MBTD1: variants seen among roughly 807,000 people sequenced by gnomAD.
MBTD1 encodes MBT domain-containing protein 1.
MBTD1 carries 24 observed loss-of-function variants against 87.8 expected under a neutral mutation model. The observed-to-expected ratio is 0.27, with a 90% CI of 0.20 to 0.38. MBTD1 has a LOEUF of 0.38. Among genes scored for constraint, MBTD1 ranks in the 10% least tolerant of loss-of-function variants. The pLI is 1.00. For synonymous variants in MBTD1, 237 were observed against 248.6 expected (o/e 0.95, Z 0.44); for missense variants, 436 against 760.2 (o/e 0.57, Z 5.02).
At chr17:51,260,741 C>T, upstream of MBTD1, 1 of 1,584,386 alleles carries the variant, frequency 6.3e-7, no homozygotes, top group South Asian at 1.1e-5. Flanking sequence ...ACCGCCGGCC[C>T]GGCCGAGCGC....
At chr17:51,257,767 TCTA>T (rs1449542680) in intron 2 of MBTD1, among the ~76,000 whole-genome samples, 2 of 152,182 alleles carry the variant, frequency 1.3e-5, no homozygotes, top group African/African-American at 4.8e-5. Flanking sequence ...TTATTACACC[TCTA>T]CTGATTCTTT....
intron 2 of MBTD1, among the ~76,000 whole-genome samples, chr17:51,236,526 T>C (rs2053847347): frequency 6.6e-6 from 1 of 152,204 alleles, no homozygotes; most frequent in Non-Finnish European, 1.5e-5. Flanking sequence ...ATTACAGGCA[T>C]GAGCTGCTGC....
rs71355731 is a variant in MBTD1, at chr17:51,177,945, TTAA to T, written c.*2628_*2630del. On this transcript the variant is annotated 3_prime_UTR_variant, in exon 17 of 17. Coordinates refer to ENST00000586178, the MANE Select transcript of MBTD1 (RefSeq NM_017643.3). ...GAGAGGGTATTCACATCACGCAAAATTAATAATAATAATAAAAACAAACAAACA... is the reference window on the plus strand; with the variant it reads ...GAGAGGGTATTCACATCACGCAAAATTAATAATAATAAAAACAAACAAACA... 0.086 allele frequency: 13,125 copies of T among 151,914 alleles called. 657 individuals carry two copies. Among genetic ancestry groups the T allele is most frequent in the Non-Finnish European group, 0.12 (7,870 of 67,950 alleles). The allele number at this position is 151,914 out of a possible 1,614,324, so 9.4% of individuals were successfully genotyped here. A position where few individuals can be genotyped will look rare whatever the true frequency, so the allele number is the denominator to read the frequency against.
chr17:51,236,005 C>A, intron 2 of MBTD1, among the ~76,000 whole-genome samples: 1 of 152,008 alleles, frequency 6.6e-6, no homozygotes, highest in South Asian at 2.1e-4. Context: ...ATCTATCTAT[C>A]GGTCTCTCTC....
upstream of MBTD1, chr17:51,260,802 G>A (rs1387830015): frequency 1.9e-6 from 3 of 1,583,510 alleles, no homozygotes; most frequent in Non-Finnish European, 2.6e-6. Context: ...AGACGGCTCC[G>A]GCAGCGGAAC....
chr17:51,210,870 T>G (rs1312149810), intron 6 of MBTD1, among the ~76,000 whole-genome samples: 1 of 152,074 alleles, frequency 6.6e-6, no homozygotes, highest in East Asian at 1.9e-4. Context: ...ATTGGCATGG[T>G]GTGGTGGCTC....
At chr17:51,235,956 G>A (rs904139120) in intron 2 of MBTD1, among the ~76,000 whole-genome samples, 20 of 152,114 alleles carry the variant, frequency 1.3e-4, no homozygotes, top group Non-Finnish European at 2.8e-4. Context: ...TAGACAAAAA[G>A]ATCAATGAAA....
chr17:51,230,884 A>G (rs181726617), intron 2 of MBTD1, among the ~76,000 whole-genome samples: 27 of 152,284 alleles, frequency 1.8e-4, no homozygotes, highest in African/African-American at 6.3e-4. Flanking sequence ...GCTAGATTTT[A>G]CGTTCTAATA....
At chr17:51,193,143 AT>A (rs1250240529) in intron 14 of MBTD1, 127 bp from the exon 15 acceptor site, 1 of 694,660 alleles carries the variant, frequency 1.4e-6, no homozygotes, top group Non-Finnish European at 2.4e-6. Flanking sequence ...TAAATTCCAA[AT>A]AATTCTTTAA....
At chr17:51,234,851 G>C (rs939035744) in intron 2 of MBTD1, among the ~76,000 whole-genome samples, 1 of 151,858 alleles carries the variant, frequency 6.6e-6, no homozygotes, top group African/African-American at 2.4e-5. Flanking sequence ...ATACCACCAC[G>C]CCTGGCTAAT....
chr17:51,210,727 G>C (rs1433236775), intron 6 of MBTD1, among the ~76,000 whole-genome samples: 1 of 151,706 alleles, frequency 6.6e-6, no homozygotes, highest in Non-Finnish European at 1.5e-5. Context: ...CTGCACTCCA[G>C]CCTGGGCAAC....
rs368156625 is a variant in MBTD1, at chr17:51,229,804, G to T, written c.-48-4595C>A. Among the ~76,000 whole-genome samples the T allele has an allele frequency of 1.5e-4, 23 of 152,006 alleles. 1 individual carries two copies. The highest frequency in any genetic ancestry group is 1.0e-3 in the Admixed American group (16 of 15,258). On this transcript the variant is annotated intron_variant, in intron 2 of 16. Coordinates refer to ENST00000586178, the MANE Select transcript of MBTD1 (RefSeq NM_017643.3). ...GCATCCCAAGTAGATGGGATTACAG[G>T]CGCCCACCACCACGCCCGGCTAATT... is the stretch of plus-strand genomic sequence containing the variant.
At chr17:51,213,606 T>C (rs930365257) in intron 6 of MBTD1, among the ~76,000 whole-genome samples, 4 of 152,078 alleles carry the variant, frequency 2.6e-5, no homozygotes, top group African/African-American at 9.7e-5. Flanking sequence ...CTGAAAATTA[T>C]AGTCCAGCTA....
chr17:51,246,210 T>C (rs997836527), intron 2 of MBTD1, among the ~76,000 whole-genome samples: 6 of 152,242 alleles, frequency 3.9e-5, no homozygotes, highest in African/African-American at 1.2e-4. Context: ...CGAAATTCAC[T>C]TGTTTCATAT....
chr17:51,194,941 A>C (rs2051013235), intron 13 of MBTD1, among the ~76,000 whole-genome samples: 1 of 152,140 alleles, frequency 6.6e-6, no homozygotes, highest in Non-Finnish European at 1.5e-5. Context: ...TTGAGCCTAC[A>C]TTACTGACTC....
At chr17:51,253,806 C>T (rs1289407805) in intron 2 of MBTD1, among the ~76,000 whole-genome samples, 2 of 152,106 alleles carry the variant, frequency 1.3e-5, no homozygotes, top group African/African-American at 4.8e-5. Context: ...GTAAACCATC[C>T]TCCCTATGAA....
At chr17:51,220,879 C>G (rs1470199848) in intron 3 of MBTD1, among the ~76,000 whole-genome samples, 1 of 152,078 alleles carries the variant, frequency 6.6e-6, no homozygotes. Context: ...ATAACACAGG[C>G]CTTTAAAATA....
At chr17:51,229,669 T>C (rs1452429067) in intron 2 of MBTD1, among the ~76,000 whole-genome samples, 1 of 150,764 alleles carries the variant, frequency 6.6e-6, no homozygotes, top group East Asian at 1.9e-4. Context: ...ACTTTTTTTT[T>C]TTTTTTTTTG....
intron 12 of MBTD1, among the ~76,000 whole-genome samples, chr17:51,198,835 G>A (rs1481185025): frequency 6.6e-6 from 1 of 152,148 alleles, no homozygotes; most frequent in African/African-American, 2.4e-5. Flanking sequence ...ATGGAGTCTC[G>A]CTCTATGCCT....
Sources: gnomAD v4.1 joint callset for allele counts (sites outside exome capture counted in the v4.1 genomes callset) on GRCh38, gnomAD v4.1.1 for gene constraint, MANE v1.5 for transcripts, NCBI Gene and HGNC (gene_info 2026-07-23, HGNC 2026-07-21) for gene names.